Variants in ASZ1 observed in about 807,000 individuals in gnomAD.
ASZ1 encodes ankyrin repeat, SAM and basic leucine zipper domain containing 1.
In ASZ1, 67 loss-of-function variants were observed where a neutral mutation model predicts 61.8. The ratio of observed to expected loss-of-function variants is 1.08; its 90% confidence interval spans 0.89 to 1.33. The LOEUF (loss-of-function observed/expected upper bound fraction) is 1.33. Ranked by LOEUF, ASZ1 falls within the 40% of genes most tolerant of loss-of-function variation. ASZ1 has a pLI of 0.00. For missense variants in ASZ1, 577 were observed against 554.5 expected (o/e 1.04, Z -0.41); for synonymous variants, 193 against 192.7 (o/e 1.00, Z -0.01).
intron 2 of ASZ1, among the ~76,000 whole-genome samples, chr7:117,422,981 T>TAAC (rs1797126982): frequency 6.6e-6 from 1 of 152,060 alleles, no homozygotes; most frequent in Non-Finnish European, 1.5e-5. Flanking sequence ...AAACTAGTTA[T>TAAC]AACACAGGAA....
At chr7:117,425,439 T>G (rs529255725) in intron 2 of ASZ1, among the ~76,000 whole-genome samples, 8 of 151,776 alleles carry the variant, frequency 5.3e-5, no homozygotes, top group East Asian at 3.9e-4. Context: ...CTAATTTTTT[T>G]TGTGTTTTTT....
chr7:117,367,866 T>C, intron 11 of ASZ1: 1 of 986,168 alleles, frequency 1.0e-6, no homozygotes, highest in Non-Finnish European at 1.2e-6. Flanking sequence ...AAGCTGCTTT[T>C]GCAGGCCACT....
At chr7:117,394,399 C>T (rs17139785) in intron 4 of ASZ1, among the ~76,000 whole-genome samples, 3,457 of 152,288 alleles carry the variant, frequency 0.023, 130 homozygotes, top group African/African-American at 0.079. Context: ...CATTTCTTGA[C>T]AGGAATTTTC....
chr7:117,370,152 G>A lies in ASZ1; in HGVS notation c.1056-1435C>T, dbSNP rs118144807. Reference sequence around the variant, plus strand: ...ATGAAGATAGATACAATTCAGAGTCGGTGAACCTCAATGGGAAAAAAATAC... The same window carrying A: ...ATGAAGATAGATACAATTCAGAGTCAGTGAACCTCAATGGGAAAAAAATAC... On this transcript the variant is annotated intron_variant, in intron 10 of 12. Transcript: ENST00000284629. 1.7e-3 allele frequency among the ~76,000 whole-genome samples: 254 copies of A among 152,096 alleles called. 1 individual carries two copies. Among genetic ancestry groups the A allele is most frequent in the Non-Finnish European group, 2.3e-3 (159 of 67,984 alleles).
intron 4 of ASZ1, among the ~76,000 whole-genome samples, chr7:117,414,590 C>T (rs1050152703): frequency 4.6e-5 from 7 of 152,002 alleles, no homozygotes; most frequent in African/African-American, 4.8e-5. Flanking sequence ...CCCATAAACC[C>T]GTCACCTACA....
At position 117,367,414 on chromosome 7, in the gene ASZ1, A is replaced by G. The variant is rs2116443581; in HGVS notation, c.1213T>C (p.Leu405=). ...CTCAAATCTTCAACATTATTAACCA[A>G]TTCTTCACAAACTGAAGTAAAATTC... ...PQNFTSVCEE[L]VNNVEDLSEK... Residue 405 remains leucine (L), a synonymous_variant, in exon 12 of 13, where the codon TTG becomes CTG. Transcript: ENST00000284629. The G allele has an allele frequency of 6.4e-7, 1 of 1,569,388 alleles. No homozygotes were observed. Among genetic ancestry groups the G allele is most frequent in the South Asian group, 1.2e-5 (1 of 82,384 alleles).
At chr7:117,425,000 G>A (rs1181133691) in intron 2 of ASZ1, among the ~76,000 whole-genome samples, 1 of 152,154 alleles carries the variant, frequency 6.6e-6, no homozygotes, top group Non-Finnish European at 1.5e-5. Flanking sequence ...TTGAAGCTTA[G>A]GAAGATTTGG....
In ASZ1 at chr7:117,384,766, T is replaced by G. The variant is rs1029396; in HGVS notation, c.647A>C (p.Lys216Thr). The G allele has an allele frequency of 0.11, 181,180 of 1,611,330 alleles. 16,462 individuals are homozygous for G. The highest frequency in any genetic ancestry group is 0.46 in the East Asian group (20,327 of 44,522). ...ANKMLQTKDG[K>T]MPSEIAKRNK... is the part of the protein sequence containing the mutation. ...TCTTTTTGCAATCTCACTTGGCATC[T>G]TTCCATCTTTGGTTTGTAGCATTTT... The change falls in exon 6 of 13, where the codon AAG becomes ACG. Residue 216 changes from lysine (K) to threonine (T), a missense_variant. Coordinates refer to ENST00000284629, the MANE Select transcript of ASZ1 (RefSeq NM_130768.3).
chr7:117,390,771 T>G (rs1353824068), intron 4 of ASZ1, among the ~76,000 whole-genome samples: 2 of 152,154 alleles, frequency 1.3e-5, no homozygotes, highest in Admixed American at 6.6e-5. Flanking sequence ...TGGCACAATC[T>G]TGGCTCACTG....
rs149660064 is a variant in ASZ1 at position 117,388,688 on chromosome 7, T to G, written c.441-2879A>C. ...TGGAAAATTTACAGTTAACATCATA[T>G]TTAATGGTGAAAGAGTACTTTCCCC... On this transcript the variant is annotated intron_variant, in intron 4 of 12. Transcript: ENST00000284629. Among the ~76,000 whole-genome samples the G allele has an allele frequency of 1.5e-3, 223 of 152,274 alleles. 2 individuals carry two copies. Among genetic ancestry groups the G allele is most frequent in the African/African-American group, 5.0e-3 (207 of 41,560 alleles).
At chr7:117,420,896 C>T (rs1797087621) in intron 3 of ASZ1, among the ~76,000 whole-genome samples, 1 of 152,212 alleles carries the variant, frequency 6.6e-6, no homozygotes, top group Non-Finnish European at 1.5e-5. Flanking sequence ...CTATGATTCA[C>T]ATTAGTGGCT....
At chr7:117,382,930 A>C in intron 7 of ASZ1, 56 bp downstream of exon 7, 1 of 1,433,966 alleles carries the variant, frequency 7.0e-7, no homozygotes, top group Non-Finnish European at 9.3e-7. Flanking sequence ...ACTACAATAA[A>C]ATATACACAA....
At chr7:117,411,613 T>G (rs1796891282) in intron 4 of ASZ1, among the ~76,000 whole-genome samples, 1 of 151,880 alleles carries the variant, frequency 6.6e-6, no homozygotes, top group Non-Finnish European at 1.5e-5. Flanking sequence ...TTTGAGCAAT[T>G]CTACTTCTGG....
chr7:117,409,562 ACAAGATACTC>A (rs1349676368), intron 4 of ASZ1, among the ~76,000 whole-genome samples: 2 of 151,928 alleles, frequency 1.3e-5, no homozygotes, highest in Non-Finnish European at 2.9e-5. Flanking sequence ...AATGTTAATT[ACAAGATACTC>A]CAAGATTTAA....
intron 11 of ASZ1, 169 bp downstream of exon 11, chr7:117,368,443 T>C: frequency 1.5e-6 from 2 of 1,317,388 alleles, no homozygotes; most frequent in Non-Finnish European, 1.9e-6. Context: ...AAAATCAGTA[T>C]GTAAAGGAGT....
At chr7:117,407,853 G>A (rs1025022799) in intron 4 of ASZ1, among the ~76,000 whole-genome samples, 2 of 152,098 alleles carry the variant, frequency 1.3e-5, no homozygotes, top group Non-Finnish European at 2.9e-5. Context: ...ACATTATCAA[G>A]CCACGACAAT....
intron 8 of ASZ1, among the ~76,000 whole-genome samples, 198 bp from the exon 9 acceptor site, chr7:117,381,265 A>G (rs182897927): frequency 6.6e-6 from 1 of 152,154 alleles, no homozygotes; most frequent in African/African-American, 2.4e-5. Flanking sequence ...TTCACCTAAA[A>G]AGTATAAATA....
chr7:117,377,942 C>G (rs1796166941), intron 10 of ASZ1, among the ~76,000 whole-genome samples: 1 of 151,850 alleles, frequency 6.6e-6, no homozygotes, highest in Admixed American at 6.6e-5. Flanking sequence ...GGGGGAGGAA[C>G]AGCCTTTTCA....
chr7:117,404,390 C>T (rs1392199064), intron 4 of ASZ1, among the ~76,000 whole-genome samples: 2 of 149,242 alleles, frequency 1.3e-5, no homozygotes, highest in Admixed American at 6.7e-5. Flanking sequence ...ATTGGCAAAT[C>T]ACTCTGATAA....
Sources: allele counts gnomAD v4.1 joint callset (sites outside exome capture counted in the v4.1 genomes callset), GRCh38; gene constraint gnomAD v4.1.1; transcripts MANE v1.5; gene names NCBI Gene and HGNC (gene_info 2026-07-23, HGNC 2026-07-21).